CSMD2: variants seen among roughly 807,000 people sequenced by gnomAD.
CSMD2 encodes the protein CUB and sushi domain-containing protein 2.
In CSMD2, 130 loss-of-function variants were observed where a neutral mutation model predicts 398.5. That is an observed-to-expected ratio of 0.33 (90% CI 0.28 to 0.38). The LOEUF (loss-of-function observed/expected upper bound fraction) is 0.38, where lower values mean the gene tolerates loss of function less well. CSMD2 is among the 10% of genes least tolerant of loss of function. CSMD2 has a pLI of 1.00. For synonymous variants in CSMD2, 1,828 were observed against 1,908.5 expected (o/e 0.96, Z 1.10); for missense variants, 3,829 against 4,764.9 (o/e 0.80, Z 5.78).
At chr1:33,856,251 T>C (rs1639081683) in intron 5 of CSMD2, among the ~76,000 whole-genome samples, 1 of 152,192 alleles carries the variant, frequency 6.6e-6, no homozygotes, top group South Asian at 2.1e-4. Flanking sequence ...CTGGCTTAGT[T>C]TTCTCCAGGG....
chr1:33,703,817 C>T lies in CSMD2; in HGVS notation c.3577-3144G>A, dbSNP rs150168999. ...CAGCAACGTCTGACAGCTTTCATTG[C>T]TTTATATCCTTGCTGATACTTGGTA... On this transcript the variant is annotated intron_variant, in intron 22 of 70. Transcript: ENST00000373381. 5.3e-5 allele frequency among the ~76,000 whole-genome samples: 8 copies of T among 152,274 alleles called. No individual in the cohort carries two copies. In the East Asian group the frequency reaches 1.3e-3, roughly 26 times the overall value.
At chr1:33,531,614 G>A (rs1655240883) in intron 64 of CSMD2, among the ~76,000 whole-genome samples, 1 of 152,232 alleles carries the variant, frequency 6.6e-6, no homozygotes, top group Non-Finnish European at 1.5e-5. Flanking sequence ...ATGTCCATAT[G>A]ATGAGATATG....
chr1:33,831,299 T>G (rs1304547857), intron 6 of CSMD2, among the ~76,000 whole-genome samples: 1 of 152,168 alleles, frequency 6.6e-6, no homozygotes, highest in Non-Finnish European at 1.5e-5. Flanking sequence ...CCCATCAGAC[T>G]AACAGCGGAT....
chr1:34,101,483 T>A (rs916681431), intron 1 of CSMD2, among the ~76,000 whole-genome samples: 3 of 152,220 alleles, frequency 2.0e-5, no homozygotes, highest in Non-Finnish European at 4.4e-5. Context: ...TGTGCACCCA[T>A]TAAACTCTCA....
chr1:33,802,055 G>C (rs1655672019), intron 10 of CSMD2, among the ~76,000 whole-genome samples: 1 of 152,194 alleles, frequency 6.6e-6, no homozygotes, highest in Non-Finnish European at 1.5e-5. Flanking sequence ...TGGTTTTAAA[G>C]TGTCTCCAAG....
chr1:33,581,118 A>AG (rs5773418), intron 47 of CSMD2, among the ~76,000 whole-genome samples: 27,852 of 151,878 alleles, frequency 0.18, 4,826 homozygotes, highest in African/African-American at 0.46. Flanking sequence ...GCCTACCTCT[A>AG]GGGGCTGGCA....
In CSMD2 at chr1:33,724,627, C is replaced by A; in HGVS notation, c.2773G>T (p.Val925Leu). ...NGQRHGNDFY[V>L]GALVTFSCDS... ...CAGCTGAAGGTCACCAGCGCGCCCA[C>A]GTAGAAGTCATTCCCATGACGCTGT... Residue 925 changes from valine (V) to leucine (L), a missense_variant, in exon 18 of 71, where the codon GTG becomes TTG. This residue lies in a region of CSMD2 where 2,001 missense variants were observed against 2,567.1 expected (regional missense o/e 0.78). Coordinates refer to ENST00000373381, the MANE Select transcript of CSMD2 (RefSeq NM_001281956.2). 1.4e-5 allele frequency: 23 copies of A among 1,614,166 alleles called. No individual in the cohort carries two copies. The highest frequency in any genetic ancestry group is 1.9e-5 in the Non-Finnish European group (23 of 1,180,044).
intron 26 of CSMD2, among the ~76,000 whole-genome samples, chr1:33,659,360 C>T (rs1299805749): frequency 6.6e-6 from 1 of 152,230 alleles, no homozygotes; most frequent in African/African-American, 2.4e-5. Flanking sequence ...GCTGCCTCCA[C>T]AGCCCAGAGC....
intron 3 of CSMD2, among the ~76,000 whole-genome samples, chr1:34,014,561 G>A (rs1443892515): frequency 6.6e-6 from 1 of 152,212 alleles, no homozygotes; most frequent in Non-Finnish European, 1.5e-5. Context: ...ATCCACAGTC[G>A]CTCTAGTGTG....
At chr1:34,122,790 G>C (rs1662327148) in intron 1 of CSMD2, among the ~76,000 whole-genome samples, 2 of 152,190 alleles carry the variant, frequency 1.3e-5, no homozygotes, top group Admixed American at 6.5e-5. Flanking sequence ...TTCTTTGAGA[G>C]GTGAAGGGCA....
chr1:34,049,930 A>G (rs1399449600), intron 2 of CSMD2, among the ~76,000 whole-genome samples: 2 of 152,170 alleles, frequency 1.3e-5, no homozygotes, highest in South Asian at 2.1e-4. Context: ...TAGTGCCCTT[A>G]TAAGAAAAGA....
intron 31 of CSMD2, among the ~76,000 whole-genome samples, chr1:33,634,796 C>T (rs377333126): frequency 6.6e-6 from 1 of 152,088 alleles, no homozygotes. Context: ...GGCTCCTGGT[C>T]TCCCTCACCT....
chr1:33,805,311 C>T (rs1029145316), intron 10 of CSMD2, among the ~76,000 whole-genome samples: 4 of 152,174 alleles, frequency 2.6e-5, no homozygotes, highest in African/African-American at 7.2e-5. Flanking sequence ...AGCCTCCACC[C>T]TCACCCCATG....
intron 1 of CSMD2, among the ~76,000 whole-genome samples, chr1:34,107,050 A>G (rs1660594866): frequency 6.6e-6 from 1 of 152,182 alleles, no homozygotes; most frequent in African/African-American, 2.4e-5. Flanking sequence ...TTATTATGCC[A>G]CAGCCCTGGA....
intron 6 of CSMD2, among the ~76,000 whole-genome samples, chr1:33,829,116 T>G (rs1028927252): frequency 6.6e-6 from 1 of 152,164 alleles, no homozygotes; most frequent in African/African-American, 2.4e-5. Flanking sequence ...GTAGAGTCTT[T>G]GTCCTCATCA....
chr1:34,044,929 A>G (rs959254016), intron 2 of CSMD2, among the ~76,000 whole-genome samples: 1 of 152,084 alleles, frequency 6.6e-6, no homozygotes, highest in Non-Finnish European at 1.5e-5. Context: ...TCCAGACAGC[A>G]GCCACTAGTT....
At chr1:33,865,312 C>T (rs1639940043) in intron 5 of CSMD2, among the ~76,000 whole-genome samples, 1 of 151,250 alleles carries the variant, frequency 6.6e-6, no homozygotes, top group South Asian at 2.1e-4. Context: ...CCCAGGATTT[C>T]CAGCAACACT....
At chr1:33,949,610 C>T (rs1644942959) in intron 3 of CSMD2, among the ~76,000 whole-genome samples, 1 of 152,234 alleles carries the variant, frequency 6.6e-6, no homozygotes, top group Admixed American at 6.5e-5. Flanking sequence ...CTGTGCTGCC[C>T]TGGCTCACCA....
At chr1:34,063,390 C>T (rs193192685) in intron 2 of CSMD2, among the ~76,000 whole-genome samples, 17 of 152,320 alleles carry the variant, frequency 1.1e-4, no homozygotes, top group African/African-American at 3.6e-4. Context: ...TAGTTATTTC[C>T]TAGCTACATG....
Sources: gnomAD v4.1 joint callset for allele counts (sites outside exome capture counted in the v4.1 genomes callset) on GRCh38, gnomAD v4.1.1 for gene constraint, gnomAD v4.1.1 regional missense constraint, MANE v1.5 for transcripts, NCBI Gene and HGNC (gene_info 2026-07-23, HGNC 2026-07-21) for gene names.